Variants in CHD9 observed in about 807,000 individuals in gnomAD.
The protein encoded by CHD9 is chromodomain helicase DNA binding protein 9.
CHD9 carries 77 observed loss-of-function variants against 316.1 expected under a neutral mutation model. That is an observed-to-expected ratio of 0.24 (90% CI 0.20 to 0.29). The LOEUF is 0.29. Among genes scored for constraint, CHD9 ranks in the 10% least tolerant of loss-of-function variants. The pLI is 1.00. For synonymous variants in CHD9, 1,129 were observed against 1,158.3 expected (o/e 0.97, Z 0.51); for missense variants, 2,763 against 3,438.1 (o/e 0.80, Z 4.91).
intron 1 of CHD9, among the ~76,000 whole-genome samples, chr16:53,127,786 T>C (rs892417896): frequency 6.6e-6 from 1 of 151,878 alleles, no homozygotes; most frequent in African/African-American, 2.4e-5. Flanking sequence ...CTGGGTGTAG[T>C]GGTGCAGGCC....
At chr16:53,152,129 T>G (rs1299765138) in intron 1 of CHD9, among the ~76,000 whole-genome samples, 1 of 152,172 alleles carries the variant, frequency 6.6e-6, no homozygotes, top group Non-Finnish European at 1.5e-5. Flanking sequence ...TCTTGATTGT[T>G]GAAGGCTGGA....
chr16:53,118,123 G>A (rs974900706), intron 1 of CHD9, among the ~76,000 whole-genome samples: 4 of 152,090 alleles, frequency 2.6e-5, no homozygotes, highest in African/African-American at 4.8e-5. Context: ...CACCACATGC[G>A]GCCAAGACCT....
intron 1 of CHD9, among the ~76,000 whole-genome samples, chr16:53,058,341 G>C (rs1049737979): frequency 6.6e-6 from 1 of 152,084 alleles, no homozygotes; most frequent in Non-Finnish European, 1.5e-5. Context: ...GGCTGGTCTC[G>C]AGCTCCCGAC....
At chr16:53,224,986 T>C (rs1320576707) in intron 4 of CHD9, among the ~76,000 whole-genome samples, 1 of 152,220 alleles carries the variant, frequency 6.6e-6, no homozygotes, top group African/African-American at 2.4e-5. Flanking sequence ...AATGTCTTCA[T>C]GGCCAAGAGA....
chr16:53,319,904 A>T (rs1198002400), intron 37 of CHD9: 1 of 1,001,486 alleles, frequency 1.0e-6, no homozygotes, highest in Non-Finnish European at 1.3e-6. Context: ...TAGAAGCTTA[A>T]TGAAGGAGAT....
chr16:53,119,203 T>A (rs1481212534), intron 1 of CHD9, among the ~76,000 whole-genome samples: 1 of 152,214 alleles, frequency 6.6e-6, no homozygotes, highest in Non-Finnish European at 1.5e-5. Flanking sequence ...GTATCACATA[T>A]GTCCAAACTC....
intron 1 of CHD9, among the ~76,000 whole-genome samples, chr16:53,071,714 C>T (rs2034067326): frequency 6.6e-6 from 1 of 152,132 alleles, no homozygotes; most frequent in South Asian, 2.1e-4. Context: ...GCCATCAGCT[C>T]GCCCACCCCT....
chr16:53,113,661 C>T (rs74718141), intron 1 of CHD9, among the ~76,000 whole-genome samples: 9,160 of 151,748 alleles, frequency 0.06, 792 homozygotes, highest in African/African-American at 0.18. Flanking sequence ...AGTTGACTTC[C>T]AGGATGAGCC....
intron 1 of CHD9, among the ~76,000 whole-genome samples, chr16:53,059,869 G>A (rs775363384): frequency 2.6e-4 from 40 of 152,132 alleles, no homozygotes; most frequent in Non-Finnish European, 4.7e-4. Flanking sequence ...AAGTAACGTC[G>A]TTTCTTGTAA....
intron 2 of CHD9, among the ~76,000 whole-genome samples, chr16:53,186,012 C>T (rs1477126496): frequency 2.0e-5 from 3 of 152,212 alleles, no homozygotes; most frequent in African/African-American, 7.2e-5. Context: ...AATGTGGGGT[C>T]ACAGAGCTCC....
At chr16:53,101,449 A>AT (rs1339617825) in intron 1 of CHD9, among the ~76,000 whole-genome samples, 1 of 151,840 alleles carries the variant, frequency 6.6e-6, no homozygotes, top group African/African-American at 2.4e-5. Context: ...TAATTTTTAA[A>AT]TTTTTTGTAC....
intron 3 of CHD9, among the ~76,000 whole-genome samples, chr16:53,217,912 T>TTTTC (rs138448097): frequency 0.089 from 12,838 of 144,004 alleles, 625 homozygotes; most frequent in Admixed American, 0.15. Flanking sequence ...GCTTATACTC[T>TTTTC]TTTCTTTCTT....
chr16:53,321,234 A>T, intron 37 of CHD9: 12 of 1,332,920 alleles, frequency 9.0e-6, no homozygotes, highest in Non-Finnish European at 1.2e-5. Context: ...CTAACTCTAG[A>T]GGGTGTACTT....
intron 13 of CHD9, among the ~76,000 whole-genome samples, chr16:53,243,912 C>G (rs1269272042): frequency 6.6e-6 from 1 of 152,106 alleles, no homozygotes; most frequent in Non-Finnish European, 1.5e-5. Flanking sequence ...TCTGTAAAAA[C>G]TTAAAGTTTT....
chr16:53,207,344 A>G (rs1425633257), intron 2 of CHD9, among the ~76,000 whole-genome samples: 1 of 152,240 alleles, frequency 6.6e-6, no homozygotes, highest in African/African-American at 2.4e-5. Context: ...TCATCAGTGC[A>G]GTTAAAATAG....
At chr16:53,235,444 A>G in intron 11 of CHD9, 138 bp downstream of exon 11, 4 of 611,096 alleles carry the variant, frequency 6.5e-6, no homozygotes, top group South Asian at 3.0e-5. Flanking sequence ...CCTCAGGAAC[A>G]TATGTAAATT....
At chr16:53,306,209 A>T in intron 31 of CHD9, 28 bp from the exon 32 acceptor site, 1 of 1,375,490 alleles carries the variant, frequency 7.3e-7, no homozygotes, top group South Asian at 1.9e-5. Context: ...TAGTCTTTTT[A>T]AAAAATGATT....
At chr16:53,270,808 C>G (rs1222260456) in intron 22 of CHD9, among the ~76,000 whole-genome samples, 1 of 152,062 alleles carries the variant, frequency 6.6e-6, no homozygotes. Context: ...ACAGATTTCC[C>G]AAATGTCTTA....
At chr16:53,114,387 G>A (rs1343669151) in intron 1 of CHD9, among the ~76,000 whole-genome samples, 1 of 151,596 alleles carries the variant, frequency 6.6e-6, no homozygotes, top group African/African-American at 2.4e-5. Flanking sequence ...CCTCCCGAGT[G>A]GCTGGGATTA....
Sources: gnomAD v4.1 joint callset for allele counts (sites outside exome capture counted in the v4.1 genomes callset) on GRCh38, gnomAD v4.1.1 for gene constraint, MANE v1.5 for transcripts, NCBI Gene and HGNC (gene_info 2026-07-23, HGNC 2026-07-21) for gene names.